The following NPAS3 variants were observed in gnomAD, a reference collection of about 807,000 sequenced individuals.
NPAS3 encodes the protein neuronal PAS domain-containing protein 3.
In NPAS3, 14 loss-of-function variants were observed where a neutral mutation model predicts 73.1. The ratio of observed to expected loss-of-function variants is 0.19; its 90% CI spans 0.13 to 0.30. The LOEUF (loss-of-function observed/expected upper bound fraction) is 0.30. Among genes scored for constraint, NPAS3 ranks in the 10% least tolerant of loss-of-function variants. The pLI, the probability that NPAS3 is intolerant of heterozygous loss-of-function variation, is 1.00. For missense variants in NPAS3, 1,096 were observed against 1,250.0 expected, an observed-to-expected ratio of 0.88 and a Z score of 1.86; for synonymous variants, 620 against 541.5, an observed-to-expected ratio of 1.14 and a Z score of -2.01.
intron 4 of NPAS3, among the ~76,000 whole-genome samples, chr14:33,402,404 A>T (rs1178517263): frequency 6.6e-6 from 1 of 151,802 alleles, no homozygotes; most frequent in Non-Finnish European, 1.5e-5. Flanking sequence ...ATCTGGACAA[A>T]CTCTAGCCCT....
chr14:33,751,957 T>TA (rs1186005083), intron 7 of NPAS3, among the ~76,000 whole-genome samples: 2 of 152,268 alleles, frequency 1.3e-5, no homozygotes, highest in African/African-American at 4.8e-5. Context: ...ATGTGTTTTT[T>TA]AAAAAAATCA....
At chr14:33,154,994 T>C (rs2044596386) in intron 2 of NPAS3, among the ~76,000 whole-genome samples, 1 of 152,190 alleles carries the variant, frequency 6.6e-6, no homozygotes, top group Non-Finnish European at 1.5e-5. Context: ...TCTTAGAGTT[T>C]TCACATCACA....
intron 1 of NPAS3, among the ~76,000 whole-genome samples, chr14:32,952,370 T>C (rs1020476999): frequency 1.3e-5 from 2 of 152,148 alleles, no homozygotes; most frequent in Non-Finnish European, 2.9e-5. Flanking sequence ...TAATTTTGGC[T>C]AGGTACTAGA....
At chr14:33,551,401 G>A (rs1030118131) in intron 4 of NPAS3, among the ~76,000 whole-genome samples, 5 of 152,102 alleles carry the variant, frequency 3.3e-5, no homozygotes, top group Non-Finnish European at 7.4e-5. Context: ...GTCTCCCACT[G>A]CCCAGTAAAC....
chr14:33,543,966 T>TAG (rs1262399742), intron 4 of NPAS3, among the ~76,000 whole-genome samples: 1 of 28,400 alleles, frequency 3.5e-5, no homozygotes, highest in African/African-American at 3.9e-4. Flanking sequence ...TATATATATA[T>TAG]ATATATATAT....
chr14:33,189,360 G>A (rs2046089142), intron 2 of NPAS3, among the ~76,000 whole-genome samples: 1 of 152,150 alleles, frequency 6.6e-6, no homozygotes, highest in African/African-American at 2.4e-5. Flanking sequence ...TAGGTGAGAG[G>A]TTCACAAAAT....
At chr14:33,723,200 C>T (rs1457757597) in intron 6 of NPAS3, among the ~76,000 whole-genome samples, 1 of 152,142 alleles carries the variant, frequency 6.6e-6, no homozygotes, top group Non-Finnish European at 1.5e-5. Flanking sequence ...TCAGCATTCA[C>T]TCCATTAAAG....
chr14:33,038,833 A>G (rs956589694), intron 1 of NPAS3, among the ~76,000 whole-genome samples: 7 of 152,220 alleles, frequency 4.6e-5, no homozygotes, highest in African/African-American at 1.7e-4. Context: ...AAGGCAGTAT[A>G]CAAGGTCATT....
intron 9 of NPAS3, among the ~76,000 whole-genome samples, chr14:33,789,708 C>T (rs2063296490): frequency 6.8e-6 from 1 of 146,838 alleles, no homozygotes; most frequent in South Asian, 2.2e-4. Flanking sequence ...CCTGCCTCAG[C>T]CTCCCAAGTA....
intron 1 of NPAS3, among the ~76,000 whole-genome samples, chr14:32,964,174 A>AAG (rs1166739515): frequency 6.6e-6 from 1 of 151,080 alleles, no homozygotes; most frequent in Non-Finnish European, 1.5e-5. Flanking sequence ...AAAAAAAAAA[A>AAG]AAAAAAAAAA....
In NPAS3 at chr14:33,395,864, T is replaced by C. The variant is rs184398191; in HGVS notation, c.468+28596T>C. ...CCATTTAGGTATCAGGCACTTTCCA[T>C]AGCACTAATTATTCTGCATTTCATC... On this transcript the variant is annotated intron_variant, in intron 4 of 11. Transcript: ENST00000356141. Among the ~76,000 whole-genome samples the C allele has an allele frequency of 1.2e-3, 176 of 152,282 alleles. 2 individuals are homozygous for C. The East Asian group carries it at 0.022, about 19-fold the overall frequency.
chr14:33,435,343 A>G (rs1171341696), intron 4 of NPAS3, among the ~76,000 whole-genome samples: 2 of 152,154 alleles, frequency 1.3e-5, no homozygotes, highest in Non-Finnish European at 1.5e-5. Flanking sequence ...AATTTTTGTA[A>G]ATGTCTTTTA....
At chr14:33,173,766 T>C (rs1448858766) in intron 2 of NPAS3, among the ~76,000 whole-genome samples, 3 of 152,358 alleles carry the variant, frequency 2.0e-5, no homozygotes, top group East Asian at 1.9e-4. Flanking sequence ...AGTCAGATGT[T>C]TTAACCTCCC....
At chr14:33,101,746 C>T (rs1356230540) in intron 2 of NPAS3, among the ~76,000 whole-genome samples, 17 of 152,048 alleles carry the variant, frequency 1.1e-4, no homozygotes, top group Admixed American at 9.2e-4. Context: ...TGTTAATGCC[C>T]CCAGATCTCT....
intron 3 of NPAS3, among the ~76,000 whole-genome samples, chr14:33,307,938 C>T (rs1181293005): frequency 1.3e-5 from 2 of 152,090 alleles, no homozygotes; most frequent in East Asian, 1.9e-4. Context: ...GGAACACTAC[C>T]CCTCATGTAG....
At chr14:33,198,641 C>T (rs992015074) in intron 2 of NPAS3, among the ~76,000 whole-genome samples, 1 of 152,212 alleles carries the variant, frequency 6.6e-6, no homozygotes, top group African/African-American at 2.4e-5. Flanking sequence ...AAAAGTTCTC[C>T]AAGTCCCCAC....
At chr14:33,343,730 T>C (rs8022944) in intron 3 of NPAS3, among the ~76,000 whole-genome samples, 16,634 of 152,210 alleles carry the variant, frequency 0.11, 2,445 homozygotes, top group East Asian at 0.42. Context: ...TATATTTGGC[T>C]GCAAATAACA....
At chr14:33,765,055 CTG>C (rs1566514201) in intron 7 of NPAS3, among the ~76,000 whole-genome samples, 1 of 152,096 alleles carries the variant, frequency 6.6e-6, no homozygotes, top group Non-Finnish European at 1.5e-5. Flanking sequence ...TAGAAAAAGA[CTG>C]TTTTCTCCAA....
At chr14:33,545,191 T>C (rs73269051) in intron 4 of NPAS3, among the ~76,000 whole-genome samples, 2,566 of 152,218 alleles carry the variant, frequency 0.017, 88 homozygotes, top group African/African-American at 0.059. Flanking sequence ...ACATGACTAT[T>C]GAGTTTTTTT....
Sources: gnomAD v4.1 joint callset for allele counts (sites outside exome capture counted in the v4.1 genomes callset) on GRCh38, gnomAD v4.1.1 for gene constraint, MANE v1.5 for transcripts, NCBI Gene and HGNC (gene_info 2026-07-23, HGNC 2026-07-21) for gene names.